PCDH15: variants seen among roughly 807,000 people sequenced by gnomAD.
The protein encoded by PCDH15 is protocadherin related 15.
A neutral mutation model predicts 178.5 loss-of-function variants in PCDH15; 129 were observed. That is an observed-to-expected ratio of 0.72 (90% CI 0.63 to 0.84). The LOEUF (loss-of-function observed/expected upper bound fraction) is 0.84, where lower values mean the gene tolerates loss of function less well. Among genes scored for constraint, PCDH15 ranks in the 40% least tolerant of loss-of-function variants. The pLI is 0.00. For synonymous variants in PCDH15, 800 were observed against 732.0 expected, an observed-to-expected ratio of 1.09 and a Z score of -1.50; for missense variants, 2,230 against 2,099.9, an observed-to-expected ratio of 1.06 and a Z score of -1.21.
chr10:54,823,704 T>G (rs1371044167), intron 3 of PCDH15, among the ~76,000 whole-genome samples: 1 of 152,078 alleles, frequency 6.6e-6, no homozygotes, highest in East Asian at 1.9e-4. Flanking sequence ...TAACAAATCT[T>G]GTACCCATTG....
chr10:54,317,542 A>G, intron 7 of PCDH15, 101 bp from the exon 8 acceptor site: 1 of 1,328,652 alleles, frequency 7.5e-7, no homozygotes, highest in Non-Finnish European at 1.1e-6. Context: ...TGGGAGGCCA[A>G]GGTGGGTGGA....
chr10:54,867,258 T>G (rs1316335701), intron 3 of PCDH15, among the ~76,000 whole-genome samples: 6 of 152,102 alleles, frequency 3.9e-5, no homozygotes, highest in South Asian at 4.1e-4. Context: ...ACCTGGAAAG[T>G]TTGAACTGTG....
chr10:54,442,340 A>G (rs889764871), intron 3 of PCDH15, among the ~76,000 whole-genome samples: 1 of 141,656 alleles, frequency 7.1e-6, no homozygotes, highest in Non-Finnish European at 1.5e-5. Context: ...TTGGTTATAC[A>G]ACGGGTAGAA....
chr10:55,519,417 C>T (rs932994188), intron 2 of PCDH15, among the ~76,000 whole-genome samples: 3 of 151,502 alleles, frequency 2.0e-5, no homozygotes, highest in Admixed American at 6.6e-5. Flanking sequence ...TGTGTGGGGA[C>T]GGGTGGAACG....
At chr10:55,601,979 A>G (rs1017622503) in intron 2 of PCDH15, among the ~76,000 whole-genome samples, 5 of 152,222 alleles carry the variant, frequency 3.3e-5, no homozygotes, top group South Asian at 2.1e-4. Context: ...CTGAGGTACC[A>G]GGTTCATCTC....
chr10:54,859,677 C>CAAAGAAAGG, intron 3 of PCDH15, among the ~76,000 whole-genome samples: 1 of 151,056 alleles, frequency 6.6e-6, no homozygotes, highest in East Asian at 2.0e-4. Context: ...ATAAGTGTAT[C>CAAAGAAAGG]TGTTTTACAA....
intron 3 of PCDH15, among the ~76,000 whole-genome samples, chr10:54,441,480 T>C (rs2075785438): frequency 6.6e-6 from 1 of 151,886 alleles, no homozygotes; most frequent in Non-Finnish European, 1.5e-5. Flanking sequence ...AATTGAACTC[T>C]AGCTTGGTAT....
At chr10:54,505,224 T>C (rs1298098536) in intron 3 of PCDH15, among the ~76,000 whole-genome samples, 2 of 152,104 alleles carry the variant, frequency 1.3e-5, no homozygotes, top group Non-Finnish European at 2.9e-5. Context: ...ATATGCCTCT[T>C]ATCAAAGGAA....
intron 2 of PCDH15, among the ~76,000 whole-genome samples, chr10:55,354,728 T>C (rs1180096077): frequency 1.3e-5 from 2 of 152,052 alleles, no homozygotes; most frequent in African/African-American, 4.8e-5. Context: ...TTTTGGTTGG[T>C]GATTTTGTTT....
chr10:55,542,254 T>C (rs1169782235), intron 2 of PCDH15, among the ~76,000 whole-genome samples: 1 of 151,304 alleles, frequency 6.6e-6, no homozygotes, highest in East Asian at 1.9e-4. Context: ...TATGTGTACA[T>C]GTATGTACAG....
chr10:55,075,255 T>G (rs1841855096), intron 2 of PCDH15, among the ~76,000 whole-genome samples: 1 of 152,168 alleles, frequency 6.6e-6, no homozygotes, highest in South Asian at 2.1e-4. Context: ...TCTCTAATGA[T>G]TCCTTGTATT....
chr10:55,357,526 C>T (rs1052844156), intron 2 of PCDH15, among the ~76,000 whole-genome samples: 4 of 151,870 alleles, frequency 2.6e-5, no homozygotes, highest in Admixed American at 1.3e-4. Context: ...TCTTATTATA[C>T]TCAATGTTTT....
intron 2 of PCDH15, among the ~76,000 whole-genome samples, chr10:55,483,281 C>CA (rs35371247): frequency 0.12 from 17,892 of 150,356 alleles, 1,128 homozygotes; most frequent in Middle Eastern, 0.2. Flanking sequence ...TAAATTTTTA[C>CA]AAAAAAAAAT....
At chr10:54,181,090 C>T (rs2047941787) in intron 13 of PCDH15, among the ~76,000 whole-genome samples, 1 of 152,116 alleles carries the variant, frequency 6.6e-6, no homozygotes, top group East Asian at 1.9e-4. Context: ...AACTTACTTT[C>T]ATTTCCAATT....
intron 14 of PCDH15, among the ~76,000 whole-genome samples, chr10:54,141,374 G>T (rs2043392382): frequency 6.6e-6 from 1 of 151,996 alleles, no homozygotes; most frequent in Non-Finnish European, 1.5e-5. Context: ...TCTTATAAAA[G>T]ACTTATTTTT....
At chr10:54,446,179 A>G (rs899408086) in intron 3 of PCDH15, among the ~76,000 whole-genome samples, 8 of 151,632 alleles carry the variant, frequency 5.3e-5, no homozygotes, top group Non-Finnish European at 1.2e-4. Flanking sequence ...TGATACTTCA[A>G]AAGGTTCAAA....
rs544786993 is a variant in PCDH15 at position 55,440,872 on chromosome 10, C to A, written c.-156+186753G>T. 6.1e-4 allele frequency among the ~76,000 whole-genome samples: 93 copies of A among 152,204 alleles called. 1 individual carries two copies. Among genetic ancestry groups the A allele is most frequent in the African/African-American group, 2.2e-3 (91 of 41,542 alleles). On this transcript the variant is annotated intron_variant, in intron 2 of 5. Coordinates refer to the PCDH15 transcript ENST00000613346. ...AAGGCACATCTCACAAGGTTCCAGA[C>A]AAGAGAGAATGAGGACCAAGCAAAA... is the stretch of plus-strand genomic sequence containing the variant.
chr10:54,568,004 A>G (rs2089288364), intron 2 of PCDH15, among the ~76,000 whole-genome samples: 1 of 152,216 alleles, frequency 6.6e-6, no homozygotes, highest in African/African-American at 2.4e-5. Flanking sequence ...AAGTATACTT[A>G]TAAAAAAATA....
At chr10:54,653,202 C>T (rs936910443) in intron 2 of PCDH15, among the ~76,000 whole-genome samples, 1 of 152,130 alleles carries the variant, frequency 6.6e-6, no homozygotes, top group African/African-American at 2.4e-5. Flanking sequence ...AACACGGTTA[C>T]CTTTCATGAC....
Sources: allele counts gnomAD v4.1 joint callset (sites outside exome capture counted in the v4.1 genomes callset), GRCh38; gene constraint gnomAD v4.1.1; transcripts MANE v1.5; gene names NCBI Gene and HGNC (gene_info 2026-07-23, HGNC 2026-07-21).